The following RAB17 variants were observed in gnomAD, a reference collection of about 807,000 sequenced individuals.
RAB17 encodes RAB17, member RAS oncogene family, also known as ras-related protein Rab-17.
Under a neutral mutation model 19.3 loss-of-function variants are expected in RAB17, and 15 were observed. The ratio of observed to expected loss-of-function variants is 0.78; its 90% CI spans 0.52 to 1.20. The LOEUF (loss-of-function observed/expected upper bound fraction) is 1.20, where lower values mean the gene tolerates loss of function less well. RAB17 is among the 50% of genes most tolerant of loss of function. The pLI is 0.00. For missense variants in RAB17, 262 were observed against 269.3 expected (o/e 0.97, Z 0.19); for synonymous variants, 110 against 112.8 (o/e 0.97, Z 0.16).
chr2:237,578,900 AAC>A (rs59320284), intron 2 of RAB17: 4,829 of 142,928 alleles, frequency 0.034, 127 homozygotes, highest in African/African-American at 0.07. Flanking sequence ...GTACCTGCTT[AAC>A]ACACACACAC....
In RAB17 at chr2:237,574,751, G is replaced by A. The variant is rs374215362; in HGVS notation, c.*268C>T. 54 of 1,291,928 alleles carry A rather than the reference G, an allele frequency of 4.2e-5. No homozygotes were observed. The highest frequency in any genetic ancestry group is 1.7e-4 in the African/African-American group (11 of 66,458). The allele number at this position is 1,291,928 out of a possible 1,614,324, so 80.0% of individuals were successfully genotyped here. A position where few individuals can be genotyped will look rare whatever the true frequency, so the allele number is the denominator to read the frequency against. On this transcript the variant is annotated 3_prime_UTR_variant, in exon 6 of 6. Transcript: ENST00000264601. Reference sequence around the variant, plus strand: ...AGGCTGCCAGGCTGAGGGGGCCACCGTCCAGGTGGAACAGGCACAGGCATC... The same window carrying A: ...AGGCTGCCAGGCTGAGGGGGCCACCATCCAGGTGGAACAGGCACAGGCATC...
At position 237,583,635 on chromosome 2, in the gene RAB17, TCTC is replaced by T. The variant is rs1034001914; in HGVS notation, c.157+2360_157+2362del. 1.1e-4 allele frequency among the ~76,000 whole-genome samples: 17 copies of T among 152,168 alleles called. No homozygotes were observed. The East Asian group carries it at 3.3e-3, about 30-fold the overall frequency. On this transcript the variant is annotated intron_variant, in intron 2 of 5. Transcript: ENST00000264601. ...CCACAGGCTAACCTAATCTGGCTGT[TCTC>T]CTCTCCCCGTTGTGCCACGGGCCAC...
At chr2:237,575,170 C>CGCCCA (rs1559393014) in intron 5 of RAB17, 42 bp from the exon 6 acceptor site, 1 of 1,544,466 alleles carries the variant, frequency 6.5e-7, no homozygotes, top group Admixed American at 1.7e-5. Context: ...GGAGGGAAGT[C>CGCCCA]GCCCAGCCCA....
At chr2:237,587,035 T>C (rs373520627) in intron 1 of RAB17, among the ~76,000 whole-genome samples, 1 of 152,246 alleles carries the variant, frequency 6.6e-6, no homozygotes, top group African/African-American at 2.4e-5. Context: ...CCCTGTGTTA[T>C]TGAATAGAGT....
intron 1 of RAB17, among the ~76,000 whole-genome samples, chr2:237,586,687 T>C (rs2081352681): frequency 6.6e-6 from 1 of 152,166 alleles, no homozygotes; most frequent in Admixed American, 6.5e-5. Flanking sequence ...GAACCCACAG[T>C]AATATGCCCC....
intron 2 of RAB17, 35 bp from the exon 3 acceptor site, chr2:237,578,190 G>A (rs777668419): frequency 7.0e-6 from 11 of 1,578,146 alleles, no homozygotes; most frequent in Non-Finnish European, 9.5e-6. Context: ...TTACTCAGAG[G>A]ACGAGGTTGC....
intron 2 of RAB17, chr2:237,578,368 G>C (rs1228110668): frequency 2.0e-6 from 1 of 499,160 alleles, no homozygotes; most frequent in African/African-American, 1.9e-5. Flanking sequence ...TGATTGCTAT[G>C]GGGCCTTTGG....
intron 2 of RAB17, among the ~76,000 whole-genome samples, chr2:237,580,622 C>T (rs2081300748): frequency 6.6e-6 from 1 of 152,058 alleles, no homozygotes; most frequent in Admixed American, 6.6e-5. Context: ...CCCTGTAGTC[C>T]CAGCTACTCG....
intron 4 of RAB17, 75 bp downstream of exon 4, chr2:237,577,182 T>G: frequency 6.5e-7 from 1 of 1,537,344 alleles, no homozygotes; most frequent in Non-Finnish European, 8.8e-7. Flanking sequence ...AAAGTGTGAG[T>G]GCCAAGGTCT....
chr2:237,589,626 C>T (rs887968853), intron 1 of RAB17, among the ~76,000 whole-genome samples: 1 of 152,044 alleles, frequency 6.6e-6, no homozygotes, highest in African/African-American at 2.4e-5. Context: ...GAGGTTGGAG[C>T]CTTCTGTCCA....
At chr2:237,588,988 G>A (rs1331437353) in intron 1 of RAB17, among the ~76,000 whole-genome samples, 1 of 152,214 alleles carries the variant, frequency 6.6e-6, no homozygotes, top group Non-Finnish European at 1.5e-5. Context: ...GAGAAGACGA[G>A]GCAGGTGGAT....
In RAB17 at chr2:237,575,397, G is replaced by C; in HGVS notation, c.519C>G (p.Phe173Leu). Reference protein sequence around the residue: ...AKLNHQVSEVFNTVAQELLQR... With the variant: ...AKLNHQVSEVLNTVAQELLQR... ...GGGGACGTGACTCACCCACTGTATTGAACACCTCCGACACCTGGTGGTTCA... is the reference window on the plus strand; with the variant it reads ...GGGGACGTGACTCACCCACTGTATTCAACACCTCCGACACCTGGTGGTTCA... The change falls in exon 5 of 6, where the codon TTC (phenylalanine) becomes TTG (leucine). Residue 173 changes from phenylalanine to leucine, a missense_variant. Phe to Leu is a conservative substitution (Grantham distance 22). Transcript: ENST00000264601. 1 of 1,611,256 alleles carries C rather than the reference G, an allele frequency of 6.2e-7. No individual in the cohort carries two copies. Among genetic ancestry groups the C allele is most frequent in the Non-Finnish European group, 8.5e-7 (1 of 1,179,062 alleles).
intron 1 of RAB17, among the ~76,000 whole-genome samples, chr2:237,588,359 A>G (rs1021949831): frequency 1.3e-5 from 2 of 152,242 alleles, no homozygotes; most frequent in Non-Finnish European, 2.9e-5. Context: ...CAGAACCATA[A>G]GAAACAAATC....
At chr2:237,575,655 G>A in intron 4 of RAB17, 175 bp from the exon 5 acceptor site, 1 of 586,370 alleles carries the variant, frequency 1.7e-6, no homozygotes, top group Non-Finnish European at 3.1e-6. Context: ...ACCAGGGAGG[G>A]GCGGGGTGTG....
At chr2:237,579,723 C>G (rs1018615436) in intron 2 of RAB17, among the ~76,000 whole-genome samples, 2 of 77,658 alleles carry the variant, frequency 2.6e-5, no homozygotes, top group African/African-American at 1.3e-4. Flanking sequence ...TCAATTGCAC[C>G]CACTAGACAG....
chr2:237,579,861 C>T (rs1375985344), intron 2 of RAB17, among the ~76,000 whole-genome samples: 2 of 152,106 alleles, frequency 1.3e-5, no homozygotes, highest in African/African-American at 4.8e-5. Context: ...CTCTTCTGCC[C>T]GCATGTCCTG....
intron 2 of RAB17, among the ~76,000 whole-genome samples, chr2:237,581,055 A>G (rs1426414919): frequency 6.6e-6 from 1 of 152,124 alleles, no homozygotes; most frequent in African/African-American, 2.4e-5. Flanking sequence ...CACTAACCAC[A>G]TTTCTATATC....
intron 2 of RAB17, chr2:237,585,422 C>T (rs1286870082): frequency 5.9e-6 from 1 of 169,282 alleles, no homozygotes; most frequent in Non-Finnish European, 1.5e-5. Flanking sequence ...ATGCCCCATA[C>T]AGTTACTCCT....
In RAB17 at chr2:237,574,840, G is replaced by C; in HGVS notation, c.*179C>G. 1.2e-6 allele frequency: 1 copy of C among 820,114 alleles called. No individual in the cohort carries two copies. The highest frequency in any genetic ancestry group is 2.8e-5 in the East Asian group (1 of 35,140). The allele number at this position is 820,114 out of a possible 1,614,324, so 50.8% of individuals were successfully genotyped here. On this transcript the variant is annotated 3_prime_UTR_variant, in exon 6 of 6. Transcript: ENST00000264601. ...CTTTCCTGGGAGCCATGTGACGCCA[G>C]ATCTTCCTCTGGCAGTTCCCACTGG...
Sources: allele counts gnomAD v4.1 joint callset (sites outside exome capture counted in the v4.1 genomes callset), GRCh38; gene constraint gnomAD v4.1.1; transcripts MANE v1.5; gene names NCBI Gene and HGNC (gene_info 2026-07-23, HGNC 2026-07-21).